Variants in THSD7A observed in about 807,000 individuals in gnomAD.
THSD7A encodes thrombospondin type-1 domain-containing protein 7A.
A neutral mutation model predicts 231.3 loss-of-function variants in THSD7A; 96 were observed. That is an observed-to-expected ratio of 0.41 (90% confidence interval 0.35 to 0.49). THSD7A has a LOEUF of 0.49. THSD7A is among the 20% of genes least tolerant of loss of function. The probability of loss-of-function intolerance (pLI) is 0.05; values close to 1 mark genes in which losing one functional copy is unlikely to be tolerated. For missense variants in THSD7A, 2,290 were observed against 2,070.2 expected, an observed-to-expected ratio of 1.11 and a Z score of -2.06; for synonymous variants, 940 against 743.3, an observed-to-expected ratio of 1.26 and a Z score of -4.30.
chr7:11,520,589 GTTGA>G (rs1398598729), intron 6 of THSD7A, among the ~76,000 whole-genome samples: 19 of 152,124 alleles, frequency 1.2e-4, no homozygotes, highest in African/African-American at 4.6e-4. Context: ...GCTTGAAAAT[GTTGA>G]TTGATGTCAT....
chr7:11,794,609 T>C (rs765414442), intron 1 of THSD7A, among the ~76,000 whole-genome samples: 2 of 151,970 alleles, frequency 1.3e-5, no homozygotes, highest in Non-Finnish European at 1.5e-5. Flanking sequence ...AAGGGGTCTG[T>C]ACCAGTATTT....
chr7:11,544,429 A>C (rs1336811153), intron 4 of THSD7A, among the ~76,000 whole-genome samples: 1 of 152,196 alleles, frequency 6.6e-6, no homozygotes, highest in Non-Finnish European at 1.5e-5. Flanking sequence ...GGGTGAGCCC[A>C]CACTTGCAGA....
intron 6 of THSD7A, among the ~76,000 whole-genome samples, chr7:11,511,103 A>G (rs999849598): frequency 9.9e-5 from 15 of 152,216 alleles, no homozygotes; most frequent in Admixed American, 2.6e-4. Flanking sequence ...TACAAAATCA[A>G]TGTGCAAAAA....
intron 4 of THSD7A, 123 bp from the exon 5 acceptor site, chr7:11,543,240 C>T: frequency 1.3e-6 from 1 of 747,058 alleles, no homozygotes; most frequent in Non-Finnish European, 2.1e-6. Context: ...AGACATTATT[C>T]CAATGCTTCT....
intron 6 of THSD7A, among the ~76,000 whole-genome samples, chr7:11,510,810 C>T (rs1048427596): frequency 3.3e-5 from 5 of 152,068 alleles, no homozygotes; most frequent in Non-Finnish European, 7.4e-5. Context: ...AGACCCACAG[C>T]CAATATGGGT....
At chr7:11,598,545 G>A (rs1411091825) in intron 2 of THSD7A, among the ~76,000 whole-genome samples, 4 of 152,172 alleles carry the variant, frequency 2.6e-5, no homozygotes, top group African/African-American at 9.7e-5. Flanking sequence ...TATGGCCACT[G>A]CTAAGTGCCC....
At chr7:11,456,898 A>C (rs765824925) in intron 11 of THSD7A, among the ~76,000 whole-genome samples, 17 of 152,092 alleles carry the variant, frequency 1.1e-4, no homozygotes, top group Non-Finnish European at 2.1e-4. Flanking sequence ...CTCTAGAATC[A>C]TACAATGGTA....
chr7:11,395,652 C>T lies in THSD7A; in HGVS notation c.4411+6143G>A, dbSNP rs192552967. Among the ~76,000 whole-genome samples the T allele has an allele frequency of 4.2e-3, 641 of 151,926 alleles. 22 individuals carry two copies. The highest frequency in any genetic ancestry group is 0.039 in the Admixed American group (587 of 15,244). On this transcript the variant is annotated intron_variant, in intron 23 of 27. Transcript: ENST00000423059. The stretch of plus-strand genomic sequence containing the variant: ...AAGTGATTCTCCTGCCTCAGCCTCC[C>T]GAGTAGCTGGGACTACAGGCACCCG...
At chr7:11,811,750 A>T (rs1784533159) in intron 1 of THSD7A, among the ~76,000 whole-genome samples, 1 of 152,208 alleles carries the variant, frequency 6.6e-6, no homozygotes, top group Non-Finnish European at 1.5e-5. Context: ...CACACTAAAT[A>T]TATCAGCTTA....
intron 2 of THSD7A, among the ~76,000 whole-genome samples, chr7:11,618,796 G>GA (rs887296938): frequency 6.7e-4 from 73 of 108,672 alleles, no homozygotes; most frequent in South Asian, 2.8e-3. Context: ...GACTCAAAAA[G>GA]AAAAAAAAAA....
chr7:11,510,898 T>G (rs1247320589), intron 6 of THSD7A, among the ~76,000 whole-genome samples: 1 of 151,894 alleles, frequency 6.6e-6, no homozygotes. Flanking sequence ...CTCTCTCACC[T>G]CTCCTGTTCA....
chr7:11,677,485 C>T (rs980625495), intron 1 of THSD7A, among the ~76,000 whole-genome samples: 1 of 147,640 alleles, frequency 6.8e-6, no homozygotes, highest in African/African-American at 2.5e-5. Flanking sequence ...GAGTCAAGAC[C>T]CATCAGTGTG....
chr7:11,804,706 A>G (rs1784356712), intron 1 of THSD7A, among the ~76,000 whole-genome samples: 1 of 152,194 alleles, frequency 6.6e-6, no homozygotes, highest in South Asian at 2.1e-4. Flanking sequence ...CTCAAAGGAA[A>G]TGTAAACCAG....
chr7:11,650,534 A>G (rs1782457958), intron 1 of THSD7A, among the ~76,000 whole-genome samples: 1 of 152,076 alleles, frequency 6.6e-6, no homozygotes, highest in East Asian at 1.9e-4. Context: ...CGAGCACAGG[A>G]TCATTAACAT....
intron 4 of THSD7A, among the ~76,000 whole-genome samples, chr7:11,586,857 CTA>C (rs1330271684): frequency 6.6e-6 from 1 of 152,094 alleles, no homozygotes; most frequent in African/African-American, 2.4e-5. Context: ...CTTTCTGTTG[CTA>C]TATCTCATTC....
rs1224081362 is a variant in THSD7A at position 11,372,586 on chromosome 7, A to G, written c.*3208T>C. On this transcript the variant is annotated 3_prime_UTR_variant, in exon 28 of 28. Coordinates refer to ENST00000423059, the MANE Select transcript of THSD7A (RefSeq NM_015204.3). ...CTTTCAAAAGAGATCAGTTAGTCCT[A>G]TTCTACGTGGTTTCTAGTGAAATAG... The G allele has an allele frequency of 1.3e-5, 2 of 152,140 alleles. No individual in the cohort carries two copies. The highest frequency in any genetic ancestry group is 6.6e-5 in the Admixed American group (1 of 15,266). The allele number at this position is 152,140 out of a possible 1,614,324, so 9.4% of individuals were successfully genotyped here.
chr7:11,524,494 A>T (rs1788391990), intron 6 of THSD7A, among the ~76,000 whole-genome samples: 1 of 152,212 alleles, frequency 6.6e-6, no homozygotes, highest in South Asian at 2.1e-4. Context: ...GTTGAAACTA[A>T]TTCCCTTCGG....
chr7:11,584,826 A>T (rs1028552425), intron 4 of THSD7A, among the ~76,000 whole-genome samples: 7 of 152,214 alleles, frequency 4.6e-5, no homozygotes, highest in Non-Finnish European at 8.8e-5. Flanking sequence ...TGTGTCCTCT[A>T]TTCAAATTCA....
At chr7:11,768,148 C>T (rs1783090159) in intron 1 of THSD7A, among the ~76,000 whole-genome samples, 1 of 152,080 alleles carries the variant, frequency 6.6e-6, no homozygotes, top group Non-Finnish European at 1.5e-5. Flanking sequence ...CTTGGCAGGA[C>T]TATTCAGTAT....
Sources: allele counts gnomAD v4.1 joint callset (sites outside exome capture counted in the v4.1 genomes callset), GRCh38; gene constraint gnomAD v4.1.1; transcripts MANE v1.5; gene names NCBI Gene and HGNC (gene_info 2026-07-23, HGNC 2026-07-21).